The following FASTKD1 variants were observed in gnomAD, a reference collection of about 807,000 sequenced individuals.
FASTKD1 encodes the protein FAST kinase domain-containing protein 1, mitochondrial.
FASTKD1 carries 94 observed loss-of-function variants against 90.9 expected under a neutral mutation model. The ratio of observed to expected loss-of-function variants is 1.03; its 90% CI spans 0.88 to 1.23. The LOEUF (loss-of-function observed/expected upper bound fraction) is 1.23. FASTKD1 is among the 50% of genes most tolerant of loss of function. The pLI is 0.00. For missense variants in FASTKD1, 945 were observed against 993.5 expected (o/e 0.95, Z 0.66); for synonymous variants, 319 against 345.8 (o/e 0.92, Z 0.86).
At chr2:169,565,065 C>T (rs1416403464) in intron 3 of FASTKD1, among the ~76,000 whole-genome samples, 2 of 150,222 alleles carry the variant, frequency 1.3e-5, no homozygotes, top group Admixed American at 1.3e-4. Context: ...AACAATTCTC[C>T]TGCCTCAGCC....
chr2:169,565,847 A>AT (rs1683952257), intron 3 of FASTKD1, among the ~76,000 whole-genome samples: 1 of 152,144 alleles, frequency 6.6e-6, no homozygotes, highest in South Asian at 2.1e-4. Context: ...CCTTGCCAGC[A>AT]TTTGTTATGG....
chr2:169,557,992 C>T (rs1683406403), intron 5 of FASTKD1, among the ~76,000 whole-genome samples: 1 of 152,212 alleles, frequency 6.6e-6, no homozygotes, highest in Admixed American at 6.5e-5. Flanking sequence ...AACCCAGTTT[C>T]TCCACAAACT....
intron 5 of FASTKD1, 98 bp from the exon 6 acceptor site, chr2:169,557,395 AT>A: frequency 1.7e-6 from 1 of 603,714 alleles, no homozygotes; most frequent in East Asian, 3.1e-5. Flanking sequence ...AGGAAAAAAA[AT>A]ATAAACAAAA....
rs72885873 is a variant in FASTKD1 at position 169,531,430 on chromosome 2, G to A, written c.2249C>T (p.Ala750Val). ...GGGCATTTCTGGTAGTTGTCCCAATGCTATATTATGGCTTCCATACGGAAG... is the reference window on the plus strand; with the variant it reads ...GGGCATTTCTGGTAGTTGTCCCAATACTATATTATGGCTTCCATACGGAAG... ...KPLPYGSHNI[A>V]LGQLPEMPWE... Residue 750 changes from alanine to valine, a missense_variant, in exon 13 of 15, where the codon GCA becomes GTA. By Grantham distance (64) the Ala-to-Val change is moderately conservative. Coordinates refer to ENST00000453153, the MANE Select transcript of FASTKD1 (RefSeq NM_024622.6). The A allele has an allele frequency of 2.9e-4, 475 of 1,612,240 alleles. 1 individual carries two copies. Among genetic ancestry groups the A allele is most frequent in the Middle Eastern group, 3.9e-4 (2 of 5,190 alleles).
At position 169,555,241 on chromosome 2, in the gene FASTKD1, A is replaced by G. The variant is rs1176511726; in HGVS notation, c.1097T>C (p.Leu366Pro). The G allele has an allele frequency of 6.2e-7, 1 of 1,608,164 alleles. No homozygotes were observed. The highest frequency in any genetic ancestry group is 8.5e-7 in the Non-Finnish European group (1 of 1,177,438). The change falls in exon 7 of 15, where the codon CTG becomes CCG. Residue 366 changes from leucine (L) to proline (P), a missense_variant. Transcript: ENST00000453153. ...SCLIKRVTSV[L>P]HKHLDGYKPL... ...TTTATAGCCATCCAAATGTTTATGC[A>G]GAACTGAAGTAACTCTAAAAAGGAT...
chr2:169,537,121 C>A, intron 12 of FASTKD1, 106 bp downstream of exon 12: 1 of 651,192 alleles, frequency 1.5e-6, no homozygotes, highest in Non-Finnish European at 2.6e-6. Flanking sequence ...ATAATAACAA[C>A]TTGAAAAAAA....
chr2:169,552,113 A>G (rs1342410748), intron 7 of FASTKD1, among the ~76,000 whole-genome samples: 1 of 152,214 alleles, frequency 6.6e-6, no homozygotes, highest in African/African-American at 2.4e-5. Context: ...CTGAAGTGGA[A>G]GAAGGTAATT....
intron 7 of FASTKD1, among the ~76,000 whole-genome samples, chr2:169,551,919 G>A (rs182322067): frequency 5.9e-5 from 9 of 152,246 alleles, no homozygotes; most frequent in Admixed American, 3.9e-4. Context: ...GAAGGCAAAT[G>A]TATATTTTAT....
At chr2:169,544,934 G>T in intron 8 of FASTKD1, 99 bp from the exon 9 acceptor site, 1 of 628,856 alleles carries the variant, frequency 1.6e-6, no homozygotes, top group Non-Finnish European at 2.7e-6. Context: ...TCCTATCATC[G>T]CTACAGTTAA....
At chr2:169,553,727 C>A (rs1040597506) in intron 7 of FASTKD1, among the ~76,000 whole-genome samples, 1 of 151,722 alleles carries the variant, frequency 6.6e-6, no homozygotes, top group Non-Finnish European at 1.5e-5. Flanking sequence ...ACCATCCTGG[C>A]TAACACAGTG....
In FASTKD1 at chr2:169,555,513, T is replaced by A. The variant is rs989938159; in HGVS notation, c.1083-258A>T. On this transcript the variant is annotated intron_variant, in intron 6 of 14. Coordinates refer to ENST00000453153, the MANE Select transcript of FASTKD1 (RefSeq NM_024622.6). ...GTACAAGAAGAGAAAAGCATAGTTT[T>A]TCTTCCTCAGTTAAACAAATCTCAC... Among the ~76,000 whole-genome samples, 6 of 152,216 alleles carry A rather than the reference T, an allele frequency of 3.9e-5. No individual in the cohort carries two copies. The South Asian group carries it at 1.2e-3, about 32-fold the overall frequency.
At chr2:169,537,375 CTTTT>C (rs758411439) in intron 11 of FASTKD1, 35 bp from the exon 12 acceptor site, 111 of 1,311,106 alleles carry the variant, frequency 8.5e-5, no homozygotes, top group Middle Eastern at 2.1e-4. Flanking sequence ...TCTACTTAAT[CTTTT>C]TTTTCTTTTT....
chr2:169,558,838 A>G (rs1436873367), intron 5 of FASTKD1, among the ~76,000 whole-genome samples: 1 of 151,782 alleles, frequency 6.6e-6, no homozygotes, highest in Non-Finnish European at 1.5e-5. Flanking sequence ...ATCTGCCAGC[A>G]TTGGCCTCCC....
intron 11 of FASTKD1, 83 bp from the exon 12 acceptor site, chr2:169,537,423 TG>T: frequency 4.4e-6 from 4 of 908,020 alleles, no homozygotes; most frequent in Non-Finnish European, 4.9e-6. Context: ...TCGCTCTTGT[TG>T]CCCAGGCTGG....
rs1684356216 is a variant in FASTKD1, at chr2:169,528,597, A to G, written c.*1228T>C. On this transcript the variant is annotated 3_prime_UTR_variant, in exon 15 of 15. Transcript: ENST00000453153. ...ATGTGTAGGATTACACCAGGTCAAGATGGTCCACTCAGCTACTACCCCATT... is the reference window on the plus strand; with the variant it reads ...ATGTGTAGGATTACACCAGGTCAAGGTGGTCCACTCAGCTACTACCCCATT... 6.6e-6 allele frequency among the ~76,000 whole-genome samples: 1 copy of G among 152,164 alleles called. No homozygotes were observed. Among genetic ancestry groups the G allele is most frequent in the African/African-American group, 2.4e-5 (1 of 41,428 alleles).
intron 11 of FASTKD1, 43 bp from the exon 12 acceptor site, chr2:169,537,383 TC>T: frequency 7.4e-7 from 1 of 1,356,022 alleles, no homozygotes; most frequent in East Asian, 2.4e-5. Flanking sequence ...ATCTTTTTTT[TC>T]TTTTTTTTTT....
At chr2:169,534,268 A>G (rs1397982245) in intron 12 of FASTKD1, among the ~76,000 whole-genome samples, 1 of 150,376 alleles carries the variant, frequency 6.6e-6, no homozygotes, top group Non-Finnish European at 1.5e-5. Context: ...CTCATTAATA[A>G]GATTAGTGAC....
At chr2:169,559,079 A>G (rs1393715800) in intron 5 of FASTKD1, among the ~76,000 whole-genome samples, 1 of 150,028 alleles carries the variant, frequency 6.7e-6, no homozygotes, top group African/African-American at 2.5e-5. Context: ...GGTTCAAGCG[A>G]TTCTCCTGCC....
chr2:169,530,531 T>C (rs928079526), intron 14 of FASTKD1, 56 bp downstream of exon 14: 22 of 937,958 alleles, frequency 2.3e-5, no homozygotes, highest in Non-Finnish European at 3.5e-5. Context: ...AGGAAGCACA[T>C]GTACAGCTAG....
Sources: gnomAD v4.1 joint callset for allele counts (sites outside exome capture counted in the v4.1 genomes callset) on GRCh38, gnomAD v4.1.1 for gene constraint, MANE v1.5 for transcripts, NCBI Gene and HGNC (gene_info 2026-07-23, HGNC 2026-07-21) for gene names.